Variants in XRN1 observed in about 807,000 individuals in gnomAD.
XRN1 encodes the protein 5'-3' exoribonuclease 1.
In XRN1, 67 loss-of-function variants were observed where a neutral mutation model predicts 222.3. The observed-to-expected ratio is 0.30, with a 90% CI of 0.25 to 0.37. The LOEUF (loss-of-function observed/expected upper bound fraction) is 0.37. XRN1 is among the 10% of genes least tolerant of loss of function. The probability of loss-of-function intolerance (pLI) is 1.00; values close to 1 mark genes in which losing one functional copy is unlikely to be tolerated. For synonymous variants in XRN1, 643 were observed against 652.4 expected, an observed-to-expected ratio of 0.99 and a Z score of 0.22; for missense variants, 1,707 against 2,000.2, an observed-to-expected ratio of 0.85 and a Z score of 2.80.
At chr3:142,343,284 T>A (rs2066048880) in intron 33 of XRN1, among the ~76,000 whole-genome samples, 1 of 151,832 alleles carries the variant, frequency 6.6e-6, no homozygotes, top group African/African-American at 2.4e-5. Flanking sequence ...TGAAACCCTG[T>A]CTCTACTAAA....
At chr3:142,417,479 G>A (rs994283511) in intron 12 of XRN1, among the ~76,000 whole-genome samples, 2 of 152,242 alleles carry the variant, frequency 1.3e-5, no homozygotes, top group Middle Eastern at 3.4e-3. Context: ...CTCAGTTAAT[G>A]TACCACTCCC....
At chr3:142,360,859 G>T (rs2066603444) in intron 29 of XRN1, among the ~76,000 whole-genome samples, 1 of 131,176 alleles carries the variant, frequency 7.6e-6, no homozygotes, top group Non-Finnish European at 1.6e-5. Flanking sequence ...GGGCGACAGA[G>T]CGAGACTCCG....
At chr3:142,361,094 T>C (rs1476963555) in intron 29 of XRN1, among the ~76,000 whole-genome samples, 2 of 152,214 alleles carry the variant, frequency 1.3e-5, no homozygotes, top group African/African-American at 4.8e-5. Context: ...GCTGTCACCA[T>C]AGGTTACTTT....
Position 142,313,525 on chromosome 3 carries a change from C to T in XRN1, c.4622-767G>A, listed in dbSNP as rs962655175. On this transcript the variant is annotated intron_variant, in intron 39 of 40. Coordinates refer to ENST00000392981, the MANE Select transcript of XRN1 (RefSeq NM_001282857.2). ...CAGTGACATTCAAGGCACCAGCACA[C>T]GCCACTGAAGAAGATATGCACTATG... 5.9e-5 allele frequency among the ~76,000 whole-genome samples: 9 copies of T among 152,224 alleles called. No homozygotes were observed. In the East Asian group the frequency reaches 1.2e-3, roughly 20 times the overall value.
intron 27 of XRN1, among the ~76,000 whole-genome samples, chr3:142,367,210 A>C (rs1040140754): frequency 2.0e-5 from 3 of 151,986 alleles, no homozygotes; most frequent in Non-Finnish European, 2.9e-5. Flanking sequence ...TCGCTTGAAC[A>C]CAGGAGGCAG....
At chr3:142,359,721 C>T (rs911490595) in intron 30 of XRN1, 141 bp downstream of exon 30, 1 of 537,980 alleles carries the variant, frequency 1.9e-6, no homozygotes, top group African/African-American at 2.0e-5. Context: ...GCATGTCTGC[C>T]TTATTCAGTG....
intron 12 of XRN1, among the ~76,000 whole-genome samples, chr3:142,417,450 A>G (rs970084454): frequency 6.6e-6 from 1 of 152,226 alleles, no homozygotes; most frequent in East Asian, 1.9e-4. Flanking sequence ...AAAATAGATA[A>G]GTCTGTTATT....
At chr3:142,362,748 C>T (rs529681746) in intron 29 of XRN1, among the ~76,000 whole-genome samples, 10 of 140,270 alleles carry the variant, frequency 7.1e-5, no homozygotes, top group African/African-American at 2.3e-4. Flanking sequence ...CTCCCTCCCT[C>T]CCTTCCTTTC....
At chr3:142,394,697 T>G (rs1262594207) in intron 20 of XRN1, among the ~76,000 whole-genome samples, 1 of 152,232 alleles carries the variant, frequency 6.6e-6, no homozygotes, top group Non-Finnish European at 1.5e-5. Context: ...CCTTCCATCT[T>G]AGAATTTATT....
At chr3:142,342,780 A>G (rs770929081) in intron 33 of XRN1, among the ~76,000 whole-genome samples, 1 of 152,202 alleles carries the variant, frequency 6.6e-6, no homozygotes, top group Non-Finnish European at 1.5e-5. Flanking sequence ...ACAAAAATCA[A>G]AATGGATTAA....
intron 23 of XRN1, among the ~76,000 whole-genome samples, chr3:142,378,599 A>G (rs192098880): frequency 8.5e-5 from 13 of 152,356 alleles, no homozygotes; most frequent in African/African-American, 3.1e-4. Context: ...GTATAACAAT[A>G]TAGGAAATGG....
intron 33 of XRN1, among the ~76,000 whole-genome samples, chr3:142,343,821 T>G: frequency 6.6e-6 from 1 of 152,116 alleles, no homozygotes; most frequent in South Asian, 2.1e-4. Flanking sequence ...CAGCTAAGAT[T>G]TGGAAACAAC....
At chr3:142,332,765 T>A in intron 35 of XRN1, 1 of 815,376 alleles carries the variant, frequency 1.2e-6, no homozygotes, top group Non-Finnish European at 1.8e-6. Context: ...GTAGCAATGT[T>A]TGAAAAGCAG....
At chr3:142,434,698 A>T (rs2069793123) in intron 1 of XRN1, among the ~76,000 whole-genome samples, 1 of 152,116 alleles carries the variant, frequency 6.6e-6, no homozygotes, top group Middle Eastern at 3.2e-3. Flanking sequence ...TCAAGGCTGC[A>T]GTGAGTGGTG....
intron 10 of XRN1, among the ~76,000 whole-genome samples, chr3:142,419,501 G>C (rs2068917570): frequency 6.6e-6 from 1 of 152,024 alleles, no homozygotes; most frequent in Non-Finnish European, 1.5e-5. Flanking sequence ...AGTACAGCAA[G>C]GAGAGTAAGA....
chr3:142,322,101 T>G (rs540249151), intron 37 of XRN1, among the ~76,000 whole-genome samples: 27 of 152,302 alleles, frequency 1.8e-4, no homozygotes, highest in African/African-American at 6.3e-4. Flanking sequence ...GAACTGGATA[T>G]AAAGAGAATA....
intron 33 of XRN1, among the ~76,000 whole-genome samples, chr3:142,346,101 A>T (rs2066136291): frequency 6.6e-6 from 1 of 152,254 alleles, no homozygotes; most frequent in Non-Finnish European, 1.5e-5. Context: ...TAGCAGCATT[A>T]TTCACTATAG....
At chr3:142,436,530 T>C (rs2069920261) in intron 1 of XRN1, among the ~76,000 whole-genome samples, 1 of 152,210 alleles carries the variant, frequency 6.6e-6, no homozygotes, top group Non-Finnish European at 1.5e-5. Context: ...CGTGTATCTT[T>C]GACCCAGGAT....
At chr3:142,320,573 T>G (rs1644206201) in intron 37 of XRN1, among the ~76,000 whole-genome samples, 1 of 152,178 alleles carries the variant, frequency 6.6e-6, no homozygotes, top group Non-Finnish European at 1.5e-5. Context: ...TGAGTCCCAT[T>G]TGTCTATTTT....
Sources: allele counts gnomAD v4.1 joint callset (sites outside exome capture counted in the v4.1 genomes callset), GRCh38; gene constraint gnomAD v4.1.1; transcripts MANE v1.5; gene names NCBI Gene and HGNC (gene_info 2026-07-23, HGNC 2026-07-21).